SORCS3: variants seen among roughly 807,000 people sequenced by gnomAD.
SORCS3 encodes sortilin related VPS10 domain containing receptor 3.
Under a neutral mutation model 146.3 loss-of-function variants are expected in SORCS3, and 57 were observed. That is an observed-to-expected ratio of 0.39 (90% confidence interval 0.31 to 0.49). SORCS3 has a LOEUF of 0.49. SORCS3 is among the 20% of genes least tolerant of loss of function. The probability of loss-of-function intolerance (pLI) is 0.92; values close to 1 mark genes in which losing one functional copy is unlikely to be tolerated. For synonymous variants in SORCS3, 653 were observed against 618.5 expected (o/e 1.06, Z -0.83); for missense variants, 1,341 against 1,575.5 (o/e 0.85, Z 2.52).
intron 1 of SORCS3, among the ~76,000 whole-genome samples, chr10:104,735,456 G>GTTGTTTTTTTTTTTTTTTTTTTTT (rs2016757341): frequency 2.9e-5 from 1 of 34,994 alleles, no homozygotes; most frequent in Non-Finnish European, 4.8e-5. Context: ...CTCACCGTCT[G>GTTGTTTTTTTTTTTTTTTTTTTTT]TTTTTTTTTT....
chr10:104,649,984 C>T (rs1589446591), intron 1 of SORCS3, among the ~76,000 whole-genome samples: 1 of 152,168 alleles, frequency 6.6e-6, no homozygotes, highest in East Asian at 1.9e-4. Context: ...GGCTGGTTGA[C>T]AAGCAGATCC....
At chr10:104,779,387 T>C (rs747115926) in intron 1 of SORCS3, among the ~76,000 whole-genome samples, 3 of 152,140 alleles carry the variant, frequency 2.0e-5, no homozygotes, top group South Asian at 2.1e-4. Flanking sequence ...CACAAGGAAG[T>C]TGGACACCTA....
At chr10:104,906,570 A>G in intron 2 of SORCS3, among the ~76,000 whole-genome samples, 1 of 152,204 alleles carries the variant, frequency 6.6e-6, no homozygotes. Flanking sequence ...CCCTAAGAAC[A>G]CAACATTTAG....
intron 1 of SORCS3, among the ~76,000 whole-genome samples, chr10:104,838,376 C>T (rs1439840930): frequency 6.6e-6 from 1 of 152,120 alleles, no homozygotes; most frequent in Admixed American, 6.5e-5. Flanking sequence ...ATTCACTCCT[C>T]CCCAGTGGCG....
chr10:104,988,349 C>T (rs116383348), intron 4 of SORCS3, among the ~76,000 whole-genome samples: 2,084 of 152,230 alleles, frequency 0.014, 46 homozygotes, highest in African/African-American at 0.047. Context: ...ACCAAACCTT[C>T]AAATGAATCC....
intron 8 of SORCS3, among the ~76,000 whole-genome samples, chr10:105,146,658 A>T (rs1044529227): frequency 6.6e-6 from 1 of 152,068 alleles, no homozygotes; most frequent in Non-Finnish European, 1.5e-5. Flanking sequence ...ACCATCCATT[A>T]TGTTGGAGTC....
chr10:104,842,490 C>T (rs758616556), intron 1 of SORCS3, among the ~76,000 whole-genome samples: 3 of 152,084 alleles, frequency 2.0e-5, no homozygotes, highest in Non-Finnish European at 4.4e-5. Flanking sequence ...CATCTGACCT[C>T]GAAGGAGGAC....
At chr10:104,962,507 A>C (rs1296867937) in intron 3 of SORCS3, among the ~76,000 whole-genome samples, 3 of 152,158 alleles carry the variant, frequency 2.0e-5, no homozygotes. Context: ...AGGGGAGGTC[A>C]GTAACACCAC....
intron 1 of SORCS3, chr10:104,821,995 A>G: frequency 4.3e-6 from 2 of 463,484 alleles, no homozygotes; most frequent in South Asian, 3.3e-5. Context: ...GCAGTGTTCA[A>G]CACACCTGGG....
chr10:104,964,801 C>T (rs751072203), intron 3 of SORCS3, among the ~76,000 whole-genome samples: 24 of 152,080 alleles, frequency 1.6e-4, no homozygotes, highest in Non-Finnish European at 2.8e-4. Flanking sequence ...CATTGTTTTA[C>T]GACCAATCTC....
At chr10:105,087,831 A>G (rs559844874) in intron 5 of SORCS3, among the ~76,000 whole-genome samples, 2 of 152,258 alleles carry the variant, frequency 1.3e-5, no homozygotes, top group Non-Finnish European at 2.9e-5. Flanking sequence ...ATGGCTGCAC[A>G]TGGAAATCAC....
intron 23 of SORCS3, 38 bp downstream of exon 23, chr10:105,252,944 AC>A (rs2056909894): frequency 2.5e-6 from 4 of 1,603,928 alleles, no homozygotes; most frequent in South Asian, 2.2e-5. Context: ...CCTTGCCTGC[AC>A]CCTACACCCT....
chr10:104,980,779 T>C (rs998881783), intron 4 of SORCS3, among the ~76,000 whole-genome samples: 1 of 152,304 alleles, frequency 6.6e-6, no homozygotes, highest in African/African-American at 2.4e-5. Flanking sequence ...ATCCAATTGC[T>C]TTACTTTCCC....
At chr10:105,115,055 G>C (rs2055884077) in intron 7 of SORCS3, among the ~76,000 whole-genome samples, 2 of 152,098 alleles carry the variant, frequency 1.3e-5, no homozygotes, top group South Asian at 4.2e-4. Flanking sequence ...AAGTATGCCA[G>C]GTGCAATGGA....
intron 14 of SORCS3, among the ~76,000 whole-genome samples, chr10:105,197,835 C>T (rs2056552256): frequency 6.6e-6 from 1 of 152,136 alleles, no homozygotes; most frequent in Admixed American, 6.6e-5. Flanking sequence ...TGCCATCGAG[C>T]ATATTGAGGG....
chr10:105,154,079 A>AG (rs1488413875), intron 9 of SORCS3, among the ~76,000 whole-genome samples: 1 of 150,818 alleles, frequency 6.6e-6, no homozygotes, highest in Non-Finnish European at 1.5e-5. Flanking sequence ...GAAAAAAAAA[A>AG]AAAAAAAAAG....
At chr10:105,067,431 A>G (rs1589616631) in intron 5 of SORCS3, among the ~76,000 whole-genome samples, 1 of 152,120 alleles carries the variant, frequency 6.6e-6, no homozygotes, top group Non-Finnish European at 1.5e-5. Context: ...GGAGGTTGAG[A>G]CAGGAGAATT....
chr10:105,199,977 C>T, intron 14 of SORCS3, 22 bp from the exon 15 acceptor site: 2 of 1,580,238 alleles, frequency 1.3e-6, no homozygotes, highest in South Asian at 1.1e-5. Flanking sequence ...TTGTGTCTCC[C>T]ACTCCTCCCC....
chr10:104,714,735 A>AGATG (rs758810168), intron 1 of SORCS3, among the ~76,000 whole-genome samples: 33 of 152,204 alleles, frequency 2.2e-4, no homozygotes, highest in Non-Finnish European at 3.7e-4. Flanking sequence ...TGCTGTTATT[A>AGATG]GATGGTAGAT....
Sources: allele counts gnomAD v4.1 joint callset (sites outside exome capture counted in the v4.1 genomes callset), GRCh38; gene constraint gnomAD v4.1.1; transcripts MANE v1.5; gene names NCBI Gene and HGNC (gene_info 2026-07-23, HGNC 2026-07-21).